The following MKLN1 variants were observed in gnomAD, a reference collection of about 807,000 sequenced individuals.
The protein encoded by MKLN1 is muskelin 1, also known as muskelin.
In MKLN1, 18 loss-of-function variants were observed where a neutral mutation model predicts 99.0. The ratio of observed to expected loss-of-function variants is 0.18; its 90% confidence interval spans 0.13 to 0.27. The LOEUF is 0.27. Ranked by LOEUF, MKLN1 falls within the 10% of genes least tolerant of loss-of-function variation. The pLI, the probability that MKLN1 is intolerant of heterozygous loss-of-function variation, is 1.00. For missense variants in MKLN1, 621 were observed against 875.9 expected (o/e 0.71, Z 3.67); for synonymous variants, 288 against 293.2 (o/e 0.98, Z 0.18).
At chr7:131,113,470 G>C (rs919467071) in intron 1 of MKLN1, among the ~76,000 whole-genome samples, 2 of 152,154 alleles carry the variant, frequency 1.3e-5, no homozygotes, top group Admixed American at 1.3e-4. Context: ...TCTAAGGCCA[G>C]TGGAGAACCA....
rs890678184 is a variant in MKLN1 at position 131,494,457 on chromosome 7, A to T, written c.*6729A>T. ...CTCAAATAATACCAAGTTATAAATAATACCAAGTAATTATCAACTCACTCC... is the reference window on the plus strand; with the variant it reads ...CTCAAATAATACCAAGTTATAAATATTACCAAGTAATTATCAACTCACTCC... On this transcript the variant is annotated 3_prime_UTR_variant, in exon 18 of 18. Transcript: ENST00000352689. 1 of 151,918 alleles carries T rather than the reference A, an allele frequency of 6.6e-6. No individual in the cohort carries two copies. The highest frequency in any genetic ancestry group is 6.5e-5 in the Admixed American group (1 of 15,268). The allele number at this position is 151,918 out of a possible 1,614,324, so 9.4% of individuals were successfully genotyped here.
intron 2 of MKLN1, among the ~76,000 whole-genome samples, chr7:131,198,149 A>G (rs1007669066): frequency 3.3e-5 from 5 of 152,180 alleles, no homozygotes; most frequent in Admixed American, 6.5e-5. Flanking sequence ...GAAAAGGAAA[A>G]CTGTGTAAAG....
chr7:131,223,006 C>T (rs1221772906), intron 3 of MKLN1, among the ~76,000 whole-genome samples: 1 of 152,070 alleles, frequency 6.6e-6, no homozygotes, highest in Non-Finnish European at 1.5e-5. Flanking sequence ...CTGCACTCCA[C>T]TTTTGGTGAC....
chr7:131,177,841 CT>C (rs1310798872), intron 2 of MKLN1, among the ~76,000 whole-genome samples: 2 of 152,274 alleles, frequency 1.3e-5, no homozygotes, highest in East Asian at 3.9e-4. Context: ...ATACATGAAG[CT>C]GTATTTGTCT....
chr7:131,197,514 C>A (rs1200301033), intron 2 of MKLN1, among the ~76,000 whole-genome samples: 4 of 151,412 alleles, frequency 2.6e-5, no homozygotes, highest in Non-Finnish European at 4.4e-5. Flanking sequence ...TCCCAAAGTG[C>A]TGGGGTTACA....
chr7:131,326,760 G>C (rs1798899640), upstream of MKLN1: 1 of 152,218 alleles, frequency 6.6e-6, no homozygotes, highest in African/African-American at 2.4e-5. Context: ...GCAGGTTAAT[G>C]ATTACAACGG....
chr7:131,121,559 A>AC (rs1368709849), intron 1 of MKLN1, among the ~76,000 whole-genome samples: 1 of 140,856 alleles, frequency 7.1e-6, no homozygotes, highest in African/African-American at 2.6e-5. Flanking sequence ...AATAGCATGA[A>AC]CCCCTGGGGG....
intron 2 of MKLN1, among the ~76,000 whole-genome samples, chr7:131,182,595 ATTCTG>A (rs1796391723): frequency 6.6e-6 from 1 of 152,154 alleles, no homozygotes; most frequent in African/African-American, 2.4e-5. Context: ...GTCATATAGA[ATTCTG>A]TTACTATAGA....
intron 1 of MKLN1, among the ~76,000 whole-genome samples, chr7:131,129,436 T>C (rs10280990): frequency 0.011 from 1,654 of 152,312 alleles, 41 homozygotes; most frequent in African/African-American, 0.038. Flanking sequence ...TAGCATTCTT[T>C]ATAATATTAA....
At chr7:131,258,636 A>G (rs973957678) in intron 3 of MKLN1, among the ~76,000 whole-genome samples, 1 of 152,216 alleles carries the variant, frequency 6.6e-6, no homozygotes, top group African/African-American at 2.4e-5. Context: ...TGCTTTGCAG[A>G]TGTTATCAGA....
Position 131,387,180 on chromosome 7 carries a change from G to A in MKLN1, c.229G>A (p.Glu77Lys). 1 of 1,601,160 alleles carries A rather than the reference G, an allele frequency of 6.2e-7. No homozygotes were observed. The highest frequency in any genetic ancestry group is 8.5e-7 in the Non-Finnish European group (1 of 1,172,500). The change falls in exon 3 of 18, where the codon GAG becomes AAG. Residue 77 changes from glutamate to lysine, a missense_variant. Physicochemically the swap from Glu to Lys is moderately conservative, Grantham distance 56. Around this residue, in one of 8 missense-constraint regions of MKLN1, gnomAD observed 361 missense variants for 540.8 expected, o/e 0.67. Coordinates refer to ENST00000352689, the MANE Select transcript of MKLN1 (RefSeq NM_013255.5). The stretch of plus-strand genomic sequence containing the variant: ...TCAGAATATCACATTTGGAAAATAT[G>A]AGAAAACTCATGTTTGCAATTTGAA... ...IVQNITFGKY[E>K]KTHVCNLKKF...
chr7:131,266,557 G>T (rs1797811728), intron 3 of MKLN1, among the ~76,000 whole-genome samples: 1 of 152,120 alleles, frequency 6.6e-6, no homozygotes, highest in South Asian at 2.1e-4. Flanking sequence ...AAGAGGTTGG[G>T]AAGCACTCAC....
At chr7:131,152,501 CTTT>C (rs5887498) in intron 2 of MKLN1, among the ~76,000 whole-genome samples, 23 of 126,226 alleles carry the variant, frequency 1.8e-4, no homozygotes, top group Non-Finnish European at 2.7e-4. Context: ...TTCTTTTTTT[CTTT>C]TTTTTTTTTT....
chr7:131,420,052 A>G (rs1308436355), intron 8 of MKLN1, among the ~76,000 whole-genome samples: 1 of 152,190 alleles, frequency 6.6e-6, no homozygotes, highest in African/African-American at 2.4e-5. Flanking sequence ...AATTGGTCAC[A>G]TTTTGGATGT....
At chr7:131,163,999 T>C (rs907251340) in intron 2 of MKLN1, among the ~76,000 whole-genome samples, 1 of 152,212 alleles carries the variant, frequency 6.6e-6, no homozygotes, top group South Asian at 2.1e-4. Flanking sequence ...AATTGCAAAT[T>C]AAGCTTTGCC....
chr7:131,437,863 T>C lies in MKLN1; in HGVS notation c.1039T>C (p.Leu347=), dbSNP rs1563347975. The change falls in exon 10 of 18, where the codon TTG becomes CTG. Residue 347 remains leucine, a synonymous_variant. Coordinates refer to ENST00000352689, the MANE Select transcript of MKLN1 (RefSeq NM_013255.5). ...GCAAATCTACACATTGGGGCGTTAC[T>C]TGGATTCCTCTGTGAGGAACAGCAA... ...RRQIYTLGRY[L]DSSVRNSKSL... 1.4e-5 allele frequency: 22 copies of C among 1,613,978 alleles called. No individual in the cohort carries two copies. The highest frequency in any genetic ancestry group is 1.8e-5 in the Non-Finnish European group (21 of 1,179,868).
chr7:131,486,019 T>C (rs1797262850), intron 17 of MKLN1, among the ~76,000 whole-genome samples: 1 of 151,918 alleles, frequency 6.6e-6, no homozygotes, highest in Non-Finnish European at 1.5e-5. Context: ...TTTGAGCCTA[T>C]AGGGGGCAAA....
intron 2 of MKLN1, among the ~76,000 whole-genome samples, chr7:131,199,321 A>G (rs906126126): frequency 1.3e-5 from 2 of 150,954 alleles, no homozygotes; most frequent in African/African-American, 2.4e-5. Flanking sequence ...CAGTAGTGCA[A>G]TCATTAGCTC....
chr7:131,201,278 C>T (rs1291107083), intron 2 of MKLN1, among the ~76,000 whole-genome samples: 1 of 152,188 alleles, frequency 6.6e-6, no homozygotes, highest in East Asian at 1.9e-4. Context: ...CCTCGGCCTC[C>T]CAAAGTGCTG....
Sources: gnomAD v4.1 joint callset for allele counts (sites outside exome capture counted in the v4.1 genomes callset) on GRCh38, gnomAD v4.1.1 for gene constraint, gnomAD v4.1.1 regional missense constraint, MANE v1.5 for transcripts, NCBI Gene and HGNC (gene_info 2026-07-23, HGNC 2026-07-21) for gene names.